The following GAR1 variants were observed in gnomAD, a reference collection of about 807,000 sequenced individuals.
The protein encoded by GAR1 is H/ACA ribonucleoprotein complex subunit 1.
A neutral mutation model predicts 29.3 loss-of-function variants in GAR1; 11 were observed. The ratio of observed to expected loss-of-function variants is 0.38; its 90% CI spans 0.24 to 0.62. The LOEUF is 0.62. Ranked by LOEUF, GAR1 falls within the 20% of genes least tolerant of loss-of-function variation. GAR1 has a pLI of 0.62. For synonymous variants in GAR1, 87 were observed against 93.3 expected (o/e 0.93, Z 0.39); for missense variants, 237 against 268.4 (o/e 0.88, Z 0.82).
intron 2 of GAR1, among the ~76,000 whole-genome samples, chr4:109,816,838 A>G (rs1733366692): frequency 6.6e-6 from 1 of 152,238 alleles, no homozygotes; most frequent in South Asian, 2.1e-4. Context: ...TGTACAGAAA[A>G]GAAAGAAATA....
At position 109,819,055 on chromosome 4, in the gene GAR1, C is replaced by A; in HGVS notation, c.424C>A (p.Gln142Lys). 6.7e-7 allele frequency: 1 copy of A among 1,482,276 alleles called. No individual in the cohort carries two copies. The highest frequency in any genetic ancestry group is 9.4e-7 in the Non-Finnish European group (1 of 1,060,912). 91.8% of individuals were successfully genotyped at this position (1,482,276 alleles called of 1,614,324 possible). A position where few individuals can be genotyped will look rare whatever the true frequency, so the allele number is the denominator to read the frequency against. ...NMKASSFKKL[Q>K]KFYIDPYKLL... ...GAAGGCTTCATCCTTTAAAAAACTA[C>A]AGAAGGTGAGTCAAACTTATGATAC... is the stretch of plus-strand genomic sequence containing the variant. The change falls in exon 4 of 7, where the codon CAG becomes AAG. Residue 142 changes from glutamine to lysine, a missense_variant. Coordinates refer to ENST00000226796, the MANE Select transcript of GAR1 (RefSeq NM_018983.4).
intron 5 of GAR1, 84 bp from the exon 6 acceptor site, chr4:109,823,881 G>A (rs1193858131): frequency 1.7e-5 from 14 of 813,344 alleles, no homozygotes; most frequent in Non-Finnish European, 2.7e-5. Context: ...CAATATAAGA[G>A]GTTATACAGT....
rs749898699 is a variant in GAR1, at chr4:109,816,335, C to T, written c.171C>T (p.Gly57=). The change falls in exon 2 of 7, where the codon GGC becomes GGT. Residue 57 remains glycine (G), a synonymous_variant. Transcript: ENST00000226796. ...TTGGACGAGGGGGTGGCCGCGGAGG[C>T]TTTAACAAAGGCCAAGACCAAGGAC... is the stretch of plus-strand genomic sequence containing the variant. ...GGFGRGGGRG[G]FNKGQDQGPP... 22 of 1,613,694 alleles carry T rather than the reference C, an allele frequency of 1.4e-5. No individual in the cohort carries two copies. The highest frequency in any genetic ancestry group is 2.2e-5 in the East Asian group (1 of 44,886).
chr4:109,822,579 C>T (rs1264381833), intron 5 of GAR1, 91 bp downstream of exon 5: 3 of 1,346,438 alleles, frequency 2.2e-6, no homozygotes, highest in African/African-American at 3.0e-5. Context: ...CATAGCAAAC[C>T]TCCCTTATGG....
Position 109,821,779 on chromosome 4 carries a change from C to G in GAR1, c.430-568C>G, listed in dbSNP as rs1733518675. On this transcript the variant is annotated intron_variant, in intron 4 of 6. Coordinates refer to ENST00000226796, the MANE Select transcript of GAR1 (RefSeq NM_018983.4). ...TATGCATGTAATGCTTATTGTGTGC[C>G]AAAGTACAAGTGCCTTATATACATC... Among the ~76,000 whole-genome samples, 5 of 152,068 alleles carry G rather than the reference C, an allele frequency of 3.3e-5. No homozygotes were observed. In the South Asian group the frequency reaches 1.0e-3, roughly 32 times the overall value.
intron 4 of GAR1, among the ~76,000 whole-genome samples, chr4:109,820,106 A>G (rs745654865): frequency 1.3e-5 from 2 of 152,248 alleles, no homozygotes; most frequent in Non-Finnish European, 2.9e-5. Context: ...AGGCTATAAT[A>G]GTAGTTCTAA....
At chr4:109,821,834 G>C (rs7663043) in intron 4 of GAR1, among the ~76,000 whole-genome samples, 1 of 151,972 alleles carries the variant, frequency 6.6e-6, no homozygotes, top group East Asian at 1.9e-4. Context: ...AAACATGTGA[G>C]ATAGATACTC....
chr4:109,822,218 G>C (rs1475833385), intron 4 of GAR1, 129 bp from the exon 5 acceptor site: 1 of 573,220 alleles, frequency 1.7e-6, no homozygotes, highest in East Asian at 3.5e-5. Context: ...TCTACCCAGG[G>C]ATATGTAGTA....
At chr4:109,817,566 A>G (rs935291982) in intron 2 of GAR1, among the ~76,000 whole-genome samples, 2 of 152,260 alleles carry the variant, frequency 1.3e-5, no homozygotes, top group Non-Finnish European at 2.9e-5. Flanking sequence ...AATAAGTTGT[A>G]ATAACATAAC....
chr4:109,818,171 T>A, intron 3 of GAR1, 81 bp downstream of exon 3: 1 of 987,116 alleles, frequency 1.0e-6, no homozygotes, highest in Non-Finnish European at 1.5e-6. Context: ...AAGTATAAAT[T>A]AAAGTTGTTG....
At chr4:109,816,943 A>G (rs1244727739) in intron 2 of GAR1, among the ~76,000 whole-genome samples, 2 of 152,258 alleles carry the variant, frequency 1.3e-5, no homozygotes. Context: ...GGAAACTGCC[A>G]GAGAGGAAAT....
rs751663023 is a variant in GAR1 at position 109,818,057 on chromosome 4, A to G, written c.336A>G (p.Lys112=). 14 of 1,606,432 alleles carry G rather than the reference A, an allele frequency of 8.7e-6. No homozygotes were observed. The highest frequency in any genetic ancestry group is 1.1e-5 in the Non-Finnish European group (13 of 1,176,970). ...VYLENKEQIG[K]VDEIFGQLRD... ...TAGAAAACAAAGAACAAATTGGAAAAGTGGATGAAATATTTGGACAACTCA... is the reference window on the plus strand; with the variant it reads ...TAGAAAACAAAGAACAAATTGGAAAGGTGGATGAAATATTTGGACAACTCA... Residue 112 remains lysine (K), a synonymous_variant, in exon 3 of 7, where the codon AAA becomes AAG. Transcript: ENST00000226796.
In GAR1 at chr4:109,824,316, CATT is replaced by C. The variant is rs202125712; in HGVS notation, c.641-98_641-96del. ...AATTTGGTAAAGTATGTTTGCTAAA[CATT>C]ATTGGAACTAATGCTGATTTTAAAC... On this transcript the variant is annotated intron_variant, in intron 6 of 6. Transcript: ENST00000226796. 2.6e-3 allele frequency: 2,049 copies of C among 788,968 alleles called. 23 individuals are homozygous for C. The African/African-American group carries it at 0.028, about 11-fold the overall frequency. 48.9% of individuals were successfully genotyped at this position (788,968 alleles called of 1,614,324 possible).
chr4:109,819,460 G>A (rs1733453918), intron 4 of GAR1: 1 of 181,302 alleles, frequency 5.5e-6, no homozygotes, highest in Non-Finnish European at 1.1e-5. Flanking sequence ...ATGCTATGAA[G>A]GAAAAATACA....
At chr4:109,815,581 G>A (rs1480963989), upstream of GAR1, 1 of 159,184 alleles carries the variant, frequency 6.3e-6, no homozygotes, top group Non-Finnish European at 1.4e-5. Flanking sequence ...TAGTGGTTAA[G>A]GTTATCTATT....
intron 3 of GAR1, among the ~76,000 whole-genome samples, chr4:109,818,451 TTCTCTTTC>T (rs1309647311): frequency 6.6e-6 from 1 of 151,842 alleles, no homozygotes; most frequent in Non-Finnish European, 1.5e-5. Flanking sequence ...CTCTCTCTTT[TTCTCTTTC>T]TCTCTTTCTT....
chr4:109,817,435 G>A (rs1177702899), intron 2 of GAR1, among the ~76,000 whole-genome samples: 2 of 151,912 alleles, frequency 1.3e-5, no homozygotes, highest in Non-Finnish European at 2.9e-5. Flanking sequence ...TTGTTAAAGA[G>A]GTGGTAGTGG....
At chr4:109,823,027 C>T (rs184216781) in intron 5 of GAR1, among the ~76,000 whole-genome samples, 2 of 152,294 alleles carry the variant, frequency 1.3e-5, no homozygotes, top group Admixed American at 6.5e-5. Context: ...ACTGTGATCT[C>T]ACTGTTGTGA....
chr4:109,815,754 C>T (rs1733329145), upstream of GAR1: 1 of 189,732 alleles, frequency 5.3e-6, no homozygotes, highest in Non-Finnish European at 1.1e-5. Context: ...CGGAAGTACC[C>T]CGCGGGTGGG....
Sources: allele counts gnomAD v4.1 joint callset (sites outside exome capture counted in the v4.1 genomes callset), GRCh38; gene constraint gnomAD v4.1.1; transcripts MANE v1.5; gene names NCBI Gene and HGNC (gene_info 2026-07-23, HGNC 2026-07-21).